The following KIAA1217 variants were observed in gnomAD, a reference collection of about 807,000 sequenced individuals.
KIAA1217 encodes the protein sickle tail protein homolog.
A neutral mutation model predicts 163.9 loss-of-function variants in KIAA1217; 88 were observed. That is an observed-to-expected ratio of 0.54 (90% CI 0.45 to 0.64). The LOEUF is 0.64. KIAA1217 is among the 30% of genes least tolerant of loss of function. KIAA1217 has a pLI of 0.00. For missense variants in KIAA1217, 2,372 were observed against 2,475.0 expected, an observed-to-expected ratio of 0.96 and a Z score of 0.88; for synonymous variants, 903 against 923.1, an observed-to-expected ratio of 0.98 and a Z score of 0.39.
chr10:24,257,809 A>G (rs775719814), intron 2 of KIAA1217, among the ~76,000 whole-genome samples: 2 of 152,104 alleles, frequency 1.3e-5, no homozygotes, highest in African/African-American at 2.4e-5. Context: ...GGACAGTGAC[A>G]AGGCGGGATA....
chr10:23,859,581 G>C (rs1839861897), intron 1 of KIAA1217, among the ~76,000 whole-genome samples: 1 of 152,200 alleles, frequency 6.6e-6, no homozygotes, highest in African/African-American at 2.4e-5. Flanking sequence ...GACTATGGCT[G>C]TAGTGACATA....
chr10:23,991,510 A>G (rs1161272288), intron 1 of KIAA1217, among the ~76,000 whole-genome samples: 3 of 152,162 alleles, frequency 2.0e-5, no homozygotes, highest in Non-Finnish European at 2.9e-5. Context: ...AGTGTAATAT[A>G]TTCAGTGCTG....
chr10:24,431,480 T>A (rs11014086), intron 3 of KIAA1217, among the ~76,000 whole-genome samples: 18,638 of 152,120 alleles, frequency 0.12, 1,331 homozygotes, highest in African/African-American at 0.21. Flanking sequence ...TCAGCTGGGG[T>A]AGCTCACCTG....
chr10:24,085,331 C>G (rs1156386670), intron 2 of KIAA1217, among the ~76,000 whole-genome samples: 1 of 152,096 alleles, frequency 6.6e-6, no homozygotes. Context: ...AAATAATAGA[C>G]CAACTTACCA....
At chr10:24,432,112 A>G (rs2059645308) in intron 3 of KIAA1217, among the ~76,000 whole-genome samples, 1 of 142,440 alleles carries the variant, frequency 7.0e-6, no homozygotes, top group Non-Finnish European at 1.5e-5. Flanking sequence ...GGAATTAAGT[A>G]TCGTCCTTTT....
chr10:23,958,200 G>T (rs979092296), intron 1 of KIAA1217, among the ~76,000 whole-genome samples: 7 of 152,144 alleles, frequency 4.6e-5, no homozygotes, highest in Non-Finnish European at 1.0e-4. Flanking sequence ...CAAGATAAGT[G>T]CTTGGCCAAA....
Position 24,133,571 on chromosome 10 carries a change from CAA to C in KIAA1217, c.-170-86039_-170-86038del, listed in dbSNP as rs765374458. Among the ~76,000 whole-genome samples the C allele has an allele frequency of 1.1e-3, 125 of 113,650 alleles. 3 individuals are homozygous for C. In the East Asian group the frequency reaches 0.015, roughly 14 times the overall value. The allele number at this position is 113,650 out of a possible 152,430, so 74.6% of individuals were successfully genotyped here. A position where few individuals can be genotyped will look rare whatever the true frequency, so the allele number is the denominator to read the frequency against. On this transcript the variant is annotated intron_variant, in intron 2 of 18. Coordinates refer to the KIAA1217 transcript ENST00000376462. ...TGGGCGACAGAGCGAGACTGTGTCT[CAA>C]AAAAAAAAAAAAAAATGTCTTGCCT...
intron 1 of KIAA1217, among the ~76,000 whole-genome samples, chr10:24,218,474 C>A (rs1183862022): frequency 2.0e-5 from 3 of 150,948 alleles, no homozygotes; most frequent in Middle Eastern, 3.2e-3. Context: ...TACTTTATAA[C>A]TCCTCGATTG....
intron 2 of KIAA1217, among the ~76,000 whole-genome samples, chr10:24,077,320 C>A (rs565943259): frequency 6.6e-6 from 1 of 152,300 alleles, no homozygotes; most frequent in South Asian, 2.1e-4. Flanking sequence ...GCTATTCTTC[C>A]TGATGCTCTC....
intron 6 of KIAA1217, among the ~76,000 whole-genome samples, chr10:24,475,080 G>A (rs1236262734): frequency 6.6e-6 from 1 of 152,142 alleles, no homozygotes; most frequent in Admixed American, 6.5e-5. Context: ...TTAGTCGGGT[G>A]TGGTGGCAGG....
intron 2 of KIAA1217, among the ~76,000 whole-genome samples, chr10:24,294,277 T>C (rs2079459952): frequency 6.6e-6 from 1 of 151,434 alleles, no homozygotes; most frequent in Non-Finnish European, 1.5e-5. Flanking sequence ...GCCTGCTTGG[T>C]TCAGGCAGTT....
intron 1 of KIAA1217, among the ~76,000 whole-genome samples, chr10:23,852,350 C>G (rs1282343586): frequency 1.3e-5 from 2 of 152,204 alleles, no homozygotes; most frequent in South Asian, 2.1e-4. Flanking sequence ...TTTCTGAGGG[C>G]TCTGTTCTGT....
At chr10:24,388,706 T>G (rs1299999167) in intron 3 of KIAA1217, among the ~76,000 whole-genome samples, 5 of 144,804 alleles carry the variant, frequency 3.5e-5, no homozygotes, top group Admixed American at 2.0e-4. Context: ...CTTAAACAAA[T>G]TTACAAGAAA....
At chr10:24,366,423 C>T (rs545912958) in intron 2 of KIAA1217, among the ~76,000 whole-genome samples, 8 of 151,900 alleles carry the variant, frequency 5.3e-5, no homozygotes, top group South Asian at 2.1e-4. Flanking sequence ...CCAGCCTGGG[C>T]GACAAAGTGA....
intron 1 of KIAA1217, among the ~76,000 whole-genome samples, chr10:23,765,483 T>C (rs1242615244): frequency 3.3e-5 from 5 of 152,166 alleles, no homozygotes; most frequent in African/African-American, 9.7e-5. Context: ...TTTTGTTCTC[T>C]TCTTTATCAC....
At chr10:24,385,608 A>T (rs928597813) in intron 3 of KIAA1217, among the ~76,000 whole-genome samples, 1 of 152,202 alleles carries the variant, frequency 6.6e-6, no homozygotes, top group Non-Finnish European at 1.5e-5. Flanking sequence ...GCACTGACTT[A>T]TCCCAACGCC....
chr10:23,945,069 A>G (rs1464685122), intron 1 of KIAA1217, among the ~76,000 whole-genome samples: 2 of 147,926 alleles, frequency 1.4e-5, no homozygotes, highest in African/African-American at 4.9e-5. Flanking sequence ...AAAAAAAAAA[A>G]AAAAAAGGGT....
intron 2 of KIAA1217, among the ~76,000 whole-genome samples, chr10:24,115,698 G>A (rs1017321586): frequency 1.3e-5 from 2 of 152,188 alleles, no homozygotes; most frequent in Admixed American, 6.5e-5. Flanking sequence ...CTCTAAGGAT[G>A]GAAGATGCTA....
At chr10:24,361,309 T>A (rs1202141439) in intron 2 of KIAA1217, among the ~76,000 whole-genome samples, 1 of 152,090 alleles carries the variant, frequency 6.6e-6, no homozygotes, top group African/African-American at 2.4e-5. Context: ...CACCTCAGCC[T>A]CCCAAGTAGT....
Sources: gnomAD v4.1 joint callset for allele counts (sites outside exome capture counted in the v4.1 genomes callset) on GRCh38, gnomAD v4.1.1 for gene constraint, MANE v1.5 for transcripts, NCBI Gene and HGNC (gene_info 2026-07-23, HGNC 2026-07-21) for gene names.